The following MED13L variants were observed in gnomAD, a reference collection of about 807,000 sequenced individuals.
The protein encoded by MED13L is mediator of RNA polymerase II transcription subunit 13-like.
In MED13L, 7 loss-of-function variants were observed where a neutral mutation model predicts 220.9. The observed-to-expected ratio is 0.03, with a 90% CI of 0.02 to 0.06. MED13L has a LOEUF of 0.06. Ranked by LOEUF, MED13L falls within the 10% of genes least tolerant of loss-of-function variation. MED13L has a pLI of 1.00. For synonymous variants in MED13L, 1,011 were observed against 1,015.2 expected (o/e 1.00, Z 0.08); for missense variants, 1,965 against 2,760.5 (o/e 0.71, Z 6.46).
intron 2 of MED13L, among the ~76,000 whole-genome samples, chr12:116,129,290 G>A (rs1237713901): frequency 6.6e-6 from 1 of 152,134 alleles, no homozygotes; most frequent in African/African-American, 2.4e-5. Flanking sequence ...ATTTTCAGGA[G>A]AGTTATTAAA....
At chr12:116,118,263 A>G (rs1175980278) in intron 2 of MED13L, among the ~76,000 whole-genome samples, 3 of 152,196 alleles carry the variant, frequency 2.0e-5, no homozygotes, top group Non-Finnish European at 2.9e-5. Flanking sequence ...AATACAAAAT[A>G]AAACAAATCA....
At chr12:116,068,759 C>A (rs71469748) in intron 4 of MED13L, among the ~76,000 whole-genome samples, 1,582 of 146,906 alleles carry the variant, frequency 0.011, 11 homozygotes, top group Non-Finnish European at 0.016. Flanking sequence ...TGTACTCTCC[C>A]TGAAATTGTT....
intron 2 of MED13L, among the ~76,000 whole-genome samples, chr12:116,145,528 C>T (rs1877414203): frequency 6.6e-6 from 1 of 152,060 alleles, no homozygotes; most frequent in South Asian, 2.1e-4. Context: ...CAAGGTCTCA[C>T]TCTGTCATTC....
chr12:116,159,446 T>G (rs1878690514), intron 2 of MED13L, among the ~76,000 whole-genome samples: 1 of 152,168 alleles, frequency 6.6e-6, no homozygotes, highest in African/African-American at 2.4e-5. Flanking sequence ...AATACCAGAA[T>G]ACAATTTCCT....
chr12:116,061,034 A>G (rs1193573492), intron 4 of MED13L, among the ~76,000 whole-genome samples: 1 of 152,208 alleles, frequency 6.6e-6, no homozygotes, highest in African/African-American at 2.4e-5. Flanking sequence ...GACTCCACTC[A>G]TGCCAATAAA....
chr12:116,174,574 CAGAT>C (rs889498666), intron 2 of MED13L: 1 of 151,704 alleles, frequency 6.6e-6, no homozygotes, highest in Non-Finnish European at 1.5e-5. Flanking sequence ...ATTTTGCTAA[CAGAT>C]AGGCCCCATA....
At chr12:116,096,838 C>T in intron 3 of MED13L, 86 bp from the exon 4 acceptor site, 1 of 939,268 alleles carries the variant, frequency 1.1e-6, no homozygotes. Context: ...TGAGATATAT[C>T]ACCAAAAATA....
At chr12:116,265,520 T>G (rs545598349) in intron 1 of MED13L, among the ~76,000 whole-genome samples, 2 of 152,380 alleles carry the variant, frequency 1.3e-5, no homozygotes, top group Admixed American at 1.3e-4. Flanking sequence ...ATCTCCCGTT[T>G]TAGTTTCATA....
intron 2 of MED13L, among the ~76,000 whole-genome samples, chr12:116,170,608 G>GT (rs869277948): frequency 0.048 from 6,027 of 124,396 alleles, 451 homozygotes; most frequent in African/African-American, 0.16. Flanking sequence ...TTTTTTTTTT[G>GT]TTTTTTTTTT....
intron 7 of MED13L, among the ~76,000 whole-genome samples, chr12:116,017,898 G>A (rs1187223101): frequency 6.6e-6 from 1 of 151,752 alleles, no homozygotes; most frequent in African/African-American, 2.4e-5. Context: ...TTACAGGCAT[G>A]AGCCATCATG....
chr12:116,240,973 C>CT (rs1870582880), intron 1 of MED13L, among the ~76,000 whole-genome samples: 1 of 152,000 alleles, frequency 6.6e-6, no homozygotes, highest in Non-Finnish European at 1.5e-5. Context: ...TATTCTGTGC[C>CT]TAAGAGCCTT....
At chr12:116,037,197 T>G (rs1031589859) in intron 4 of MED13L, among the ~76,000 whole-genome samples, 1 of 152,156 alleles carries the variant, frequency 6.6e-6, no homozygotes, top group African/African-American at 2.4e-5. Context: ...AAACACATAT[T>G]GAGCATCCCT....
chr12:116,006,476 G>A (rs2137373810), intron 11 of MED13L, 65 bp from the exon 12 acceptor site: 1 of 1,238,314 alleles, frequency 8.1e-7, no homozygotes, highest in South Asian at 1.2e-5. Context: ...ATATGAGGGA[G>A]AACACAAAGA....
intron 13 of MED13L, among the ~76,000 whole-genome samples, chr12:116,003,312 G>A (rs556636874): frequency 6.6e-6 from 1 of 152,288 alleles, no homozygotes; most frequent in East Asian, 1.9e-4. Context: ...CATGGATCTT[G>A]TGAGGGCAGA....
At chr12:116,196,274 C>T (rs541742405) in intron 2 of MED13L, among the ~76,000 whole-genome samples, 1 of 152,018 alleles carries the variant, frequency 6.6e-6, no homozygotes, top group East Asian at 1.9e-4. Context: ...CTTTAGAGGG[C>T]CAAATTGTGT....
intron 13 of MED13L, among the ~76,000 whole-genome samples, chr12:116,005,658 A>T (rs10774844): frequency 6.6e-6 from 1 of 152,146 alleles, no homozygotes; most frequent in East Asian, 1.9e-4. Context: ...GATACACTAC[A>T]CTAATAACCT....
intron 2 of MED13L, among the ~76,000 whole-genome samples, chr12:116,134,542 C>T (rs1876359819): frequency 6.6e-6 from 1 of 151,950 alleles, no homozygotes; most frequent in East Asian, 1.9e-4. Flanking sequence ...ATCTTAGGCA[C>T]TATTATAGGG....
Position 115,991,870 on chromosome 12 carries a change from G to A in MED13L, c.3084C>T (p.Ala1028=). Residue 1028 remains alanine, a synonymous_variant, in exon 17 of 31, where the codon GCC becomes GCT. Coordinates refer to ENST00000281928, the MANE Select transcript of MED13L (RefSeq NM_015335.5). The surrounding 1 kb of genome is among the most constrained non-coding windows in gnomAD (Gnocchi z 7.7). The stretch of plus-strand genomic sequence containing the variant: ...CTCCTGCCCCACTATTGCTGGCTGG[G>A]GCAGCGCTGTTCAACGTCACGGGTG... The part of the protein sequence containing the change: ...MNTPVTLNSA[A]PASNSGAGVL... 6.2e-7 allele frequency: 1 copy of A among 1,606,542 alleles called. No individual in the cohort carries two copies. The highest frequency in any genetic ancestry group is 2.2e-5 in the East Asian group (1 of 44,842).
intron 4 of MED13L, among the ~76,000 whole-genome samples, chr12:116,086,740 C>T (rs1193331637): frequency 1.3e-5 from 2 of 152,094 alleles, no homozygotes; most frequent in East Asian, 3.8e-4. Flanking sequence ...ATTTTTATAA[C>T]ATCATTTAAC....
Sources: allele counts gnomAD v4.1 joint callset (sites outside exome capture counted in the v4.1 genomes callset), GRCh38; gene constraint gnomAD v4.1.1; non-coding constraint Gnocchi (gnomAD v3.1); transcripts MANE v1.5; gene names NCBI Gene and HGNC (gene_info 2026-07-23, HGNC 2026-07-21).